ADAM10: variants seen among roughly 807,000 people sequenced by gnomAD.
ADAM10 encodes the protein disintegrin and metalloproteinase domain-containing protein 10.
In ADAM10, 17 loss-of-function variants were observed where a neutral mutation model predicts 90.1. The observed-to-expected ratio is 0.19, with a 90% CI of 0.13 to 0.28. The LOEUF is 0.28. Ranked by LOEUF, ADAM10 falls within the 10% of genes least tolerant of loss-of-function variation. The pLI, the probability that ADAM10 is intolerant of heterozygous loss-of-function variation, is 1.00. For synonymous variants in ADAM10, 310 were observed against 298.6 expected (o/e 1.04, Z -0.40); for missense variants, 610 against 914.3 (o/e 0.67, Z 4.29).
intron 8 of ADAM10, among the ~76,000 whole-genome samples, chr15:58,633,859 C>CAATG (rs1896172144): frequency 8.5e-6 from 1 of 117,072 alleles, no homozygotes; most frequent in South Asian, 2.8e-4. Flanking sequence ...ATATGACATA[C>CAATG]AATGTATTTG....
chr15:58,588,873 G>A lies in ADAM10; in HGVS notation c.*8674C>T, dbSNP rs1894768151. 6.6e-6 allele frequency: 1 copy of A among 152,110 alleles called. No homozygotes were observed. The highest frequency in any genetic ancestry group is 6.5e-5 in the Admixed American group (1 of 15,270). 9.4% of individuals were successfully genotyped at this position (152,110 alleles called of 1,614,324 possible). On this transcript the variant is annotated 3_prime_UTR_variant, in exon 16 of 16. Transcript: ENST00000260408. The stretch of plus-strand genomic sequence containing the variant: ...TACATTTCTTCTCCTATCAGGAGTT[G>A]TTACTTACATGCCCCAAAGCTAAGT...
chr15:58,623,694 C>T (rs1895853852), intron 10 of ADAM10, among the ~76,000 whole-genome samples: 1 of 151,980 alleles, frequency 6.6e-6, no homozygotes, highest in African/African-American at 2.4e-5. Flanking sequence ...GCCATCATAC[C>T]CAGAAAACTA....
chr15:58,668,410 G>A (rs1897125388), intron 4 of ADAM10, among the ~76,000 whole-genome samples: 1 of 152,078 alleles, frequency 6.6e-6, no homozygotes, highest in East Asian at 1.9e-4. Flanking sequence ...AGGGGTGAAT[G>A]GGTGACTAGG....
At chr15:58,611,363 A>G in intron 12 of ADAM10, 2 of 471,156 alleles carry the variant, frequency 4.2e-6, no homozygotes, top group East Asian at 8.2e-5. Context: ...AAGCAGAGCA[A>G]GAGATTAGAT....
intron 14 of ADAM10, among the ~76,000 whole-genome samples, chr15:58,605,270 G>A (rs1895237351): frequency 6.6e-6 from 1 of 152,110 alleles, no homozygotes; most frequent in South Asian, 2.1e-4. Flanking sequence ...ATTTTTTCAG[G>A]TAACTATGTA....
chr15:58,671,149 AAC>A (rs1330878387), intron 4 of ADAM10, among the ~76,000 whole-genome samples: 12 of 152,284 alleles, frequency 7.9e-5, no homozygotes, highest in African/African-American at 2.4e-4. Context: ...TAAACCAAAA[AAC>A]AGTTTTAACT....
In ADAM10 at chr15:58,749,597, A is replaced by G. The variant is rs1899914853; in HGVS notation, c.-63T>C. On this transcript the variant is annotated 5_prime_UTR_variant, in exon 1 of 16. Transcript: ENST00000260408. ...GGTTAACAGCAGCACATCGATCCGG[A>G]GGGAGAAGCTGAAGGGGCTTGGTCC... 6.5e-7 allele frequency: 1 copy of G among 1,547,412 alleles called. No individual in the cohort carries two copies. Among genetic ancestry groups the G allele is most frequent in the Non-Finnish European group, 8.7e-7 (1 of 1,144,904 alleles).
intron 2 of ADAM10, among the ~76,000 whole-genome samples, chr15:58,706,750 C>A (rs909415232): frequency 9.9e-5 from 15 of 152,052 alleles, no homozygotes; most frequent in Non-Finnish European, 2.2e-4. Flanking sequence ...GTGGCTCATG[C>A]CTGTAATTCC....
rs1483849080 is a variant in ADAM10, at chr15:58,593,411, G to C, written c.*4136C>G. The C allele has an allele frequency of 6.6e-6, 1 of 152,072 alleles. No individual in the cohort carries two copies. 9.4% of individuals were successfully genotyped at this position (152,072 alleles called of 1,614,324 possible). A position where few individuals can be genotyped will look rare whatever the true frequency, so the allele number is the denominator to read the frequency against. ...GTAGAGACGGGGTTTCACCATGTTG[G>C]CCAGGGTGGTCTCGAACTCCTGACC... On this transcript the variant is annotated 3_prime_UTR_variant, in exon 16 of 16. Coordinates refer to ENST00000260408, the MANE Select transcript of ADAM10 (RefSeq NM_001110.4).
chr15:58,712,755 G>A (rs1225641763), intron 2 of ADAM10, among the ~76,000 whole-genome samples: 3 of 152,002 alleles, frequency 2.0e-5, no homozygotes, highest in Admixed American at 6.5e-5. Context: ...GAACCCAGGA[G>A]AGGGAGCTTG....
intron 5 of ADAM10, among the ~76,000 whole-genome samples, chr15:58,654,448 T>G (rs1188170521): frequency 6.6e-6 from 1 of 152,138 alleles, no homozygotes; most frequent in Non-Finnish European, 1.5e-5. Flanking sequence ...GGCACAATCT[T>G]TCTCACCACA....
At chr15:58,734,140 A>G (rs1446622712) in intron 1 of ADAM10, among the ~76,000 whole-genome samples, 5 of 152,168 alleles carry the variant, frequency 3.3e-5, no homozygotes, top group African/African-American at 1.2e-4. Context: ...AAATCTTACC[A>G]TGTACAGAAC....
chr15:58,705,898 A>G (rs189362166), intron 2 of ADAM10, among the ~76,000 whole-genome samples: 1 of 152,290 alleles, frequency 6.6e-6, no homozygotes, highest in Admixed American at 6.5e-5. Context: ...GTTATTTGTT[A>G]TTGTTGTTAA....
rs527703177 is a variant in ADAM10 at position 58,620,964 on chromosome 15, G to A, written c.1511+507C>T. Among the ~76,000 whole-genome samples the A allele has an allele frequency of 1.2e-4, 5 of 41,298 alleles. 1 individual carries two copies. Among genetic ancestry groups the A allele is most frequent in the Admixed American group, 2.6e-4 (1 of 3,868 alleles). 27.1% of individuals were successfully genotyped at this position (41,298 alleles called of 152,430 possible). The stretch of plus-strand genomic sequence containing the variant: ...ATTACAGGCGTGAGCCACCGCGCCC[G>A]GCCAAGAATATGTATTTTTTAGGAT... On this transcript the variant is annotated intron_variant, in intron 11 of 15. Transcript: ENST00000260408.
chr15:58,698,406 T>TAAAAAAAA, intron 2 of ADAM10: 1 of 201,092 alleles, frequency 5.0e-6, no homozygotes, highest in East Asian at 1.9e-4. Flanking sequence ...ACCCCATCTC[T>TAAAAAAAA]AAAAAAAAAA....
intron 2 of ADAM10, chr15:58,698,158 A>G (rs1483425907): frequency 3.2e-6 from 1 of 316,356 alleles, no homozygotes; most frequent in African/African-American, 2.3e-5. Context: ...TTCCAATGAA[A>G]AAGAAATTTA....
chr15:58,604,710 G>A (rs1216116289), intron 14 of ADAM10, among the ~76,000 whole-genome samples: 3 of 152,116 alleles, frequency 2.0e-5, no homozygotes, highest in Admixed American at 6.5e-5. Context: ...AACTGGTTTG[G>A]ATATATTTAA....
At chr15:58,665,507 G>C (rs1325234120) in intron 4 of ADAM10, among the ~76,000 whole-genome samples, 2 of 152,026 alleles carry the variant, frequency 1.3e-5, no homozygotes, top group African/African-American at 4.8e-5. Context: ...CTGTCACCAA[G>C]AGAATATCTA....
intron 2 of ADAM10, among the ~76,000 whole-genome samples, chr15:58,700,756 T>C (rs1206643787): frequency 2.6e-5 from 4 of 152,022 alleles, no homozygotes; most frequent in Admixed American, 2.6e-4. Flanking sequence ...ACTCAGTGCC[T>C]GAAAGCCCAG....
Sources: gnomAD v4.1 joint callset for allele counts (sites outside exome capture counted in the v4.1 genomes callset) on GRCh38, gnomAD v4.1.1 for gene constraint, MANE v1.5 for transcripts, NCBI Gene and HGNC (gene_info 2026-07-23, HGNC 2026-07-21) for gene names.